Variants in ASAP1 observed in about 807,000 individuals in gnomAD.
ASAP1 encodes arf-GAP with SH3 domain, ANK repeat and PH domain-containing protein 1.
Under a neutral mutation model 145.2 loss-of-function variants are expected in ASAP1, and 43 were observed. The observed-to-expected ratio is 0.30, with a 90% CI of 0.23 to 0.38. The LOEUF (loss-of-function observed/expected upper bound fraction) is 0.38. Ranked by LOEUF, ASAP1 falls within the 10% of genes least tolerant of loss-of-function variation. The pLI, the probability that ASAP1 is intolerant of heterozygous loss-of-function variation, is 1.00. For synonymous variants in ASAP1, 546 were observed against 515.5 expected, an observed-to-expected ratio of 1.06 and a Z score of -0.80; for missense variants, 1,018 against 1,355.3, an observed-to-expected ratio of 0.75 and a Z score of 3.91.
At chr8:130,139,841 T>C (rs1482937205) in intron 13 of ASAP1, among the ~76,000 whole-genome samples, 1 of 151,678 alleles carries the variant, frequency 6.6e-6, no homozygotes, top group African/African-American at 2.4e-5. Context: ...ACTTTATTTT[T>C]TAATTCTCCC....
At chr8:130,397,964 A>C (rs567497177) in intron 2 of ASAP1, among the ~76,000 whole-genome samples, 1 of 152,266 alleles carries the variant, frequency 6.6e-6, no homozygotes, top group Admixed American at 6.5e-5. Flanking sequence ...TTACTGGCAC[A>C]TAAGTAATAA....
intron 16 of ASAP1, 41 bp from the exon 17 acceptor site, chr8:130,126,130 T>C (rs780679083): frequency 1.9e-6 from 3 of 1,577,468 alleles, no homozygotes; most frequent in Non-Finnish European, 1.7e-6. Flanking sequence ...AAAAAAGACA[T>C]CTAATTTTAG....
chr8:130,058,880 G>A (rs549984933), intron 28 of ASAP1, among the ~76,000 whole-genome samples: 77 of 152,290 alleles, frequency 5.1e-4, no homozygotes, highest in African/African-American at 1.7e-3. Flanking sequence ...GGCCGTGCGG[G>A]TGGGTTGGAG....
At chr8:130,361,011 A>G (rs868639932) in intron 2 of ASAP1, 2 of 154,518 alleles carry the variant, frequency 1.3e-5, no homozygotes, top group African/African-American at 4.8e-5. Flanking sequence ...CACGGCACTT[A>G]GGCTTCACTC....
At chr8:130,425,056 C>A (rs545823566) in intron 1 of ASAP1, among the ~76,000 whole-genome samples, 15 of 151,732 alleles carry the variant, frequency 9.9e-5, no homozygotes, top group Non-Finnish European at 1.8e-4. Context: ...TCAGGCCGGG[C>A]GCAATGGCTT....
chr8:130,274,816 C>A (rs1820785988), intron 3 of ASAP1, among the ~76,000 whole-genome samples: 1 of 152,144 alleles, frequency 6.6e-6, no homozygotes, highest in African/African-American at 2.4e-5. Context: ...TTCCTGAATA[C>A]CACCAGTACA....
Position 130,357,871 on chromosome 8 carries a change from G to T in ASAP1, c.186+146C>A, listed in dbSNP as rs934154037. The T allele has an allele frequency of 3.1e-5, 35 of 1,132,228 alleles. No homozygotes were observed. The Admixed American group carries it at 3.5e-4, about 11-fold the overall frequency. The allele number at this position is 1,132,228 out of a possible 1,614,324, so 70.1% of individuals were successfully genotyped here. ...GAGATGGGGAAGGCGCCGCCCGTCCGAAGTCCCTTATTCACCCGGCGGCTC... is the reference window on the plus strand; with the variant it reads ...GAGATGGGGAAGGCGCCGCCCGTCCTAAGTCCCTTATTCACCCGGCGGCTC... On this transcript the variant is annotated intron_variant, in intron 3 of 29. Coordinates refer to ENST00000518721, the MANE Select transcript of ASAP1 (RefSeq NM_018482.4).
At chr8:130,214,946 G>A (rs867695063) in intron 4 of ASAP1, among the ~76,000 whole-genome samples, 1 of 151,796 alleles carries the variant, frequency 6.6e-6, no homozygotes, top group African/African-American at 2.4e-5. Context: ...TGTCTCCCAG[G>A]CTGGAGTGCA....
intron 2 of ASAP1, among the ~76,000 whole-genome samples, chr8:130,370,654 G>A (rs1057494789): frequency 1.3e-5 from 2 of 152,136 alleles, no homozygotes; most frequent in South Asian, 2.1e-4. Flanking sequence ...CAGCTCAAAC[G>A]TTCATGAACA....
At chr8:130,394,393 T>G (rs2138510379) in intron 2 of ASAP1, among the ~76,000 whole-genome samples, 1 of 152,284 alleles carries the variant, frequency 6.6e-6, no homozygotes, top group South Asian at 2.1e-4. Flanking sequence ...CTCCCAGGCT[T>G]ATTAGGACAG....
rs1038118542 is a variant in ASAP1 at position 130,134,319 on chromosome 8, T to C, written c.1194A>G (p.Ala398=). 1.3e-6 allele frequency: 2 copies of C among 1,586,428 alleles called. No individual in the cohort carries two copies. Among genetic ancestry groups the C allele is most frequent in the Non-Finnish European group, 1.7e-6 (2 of 1,166,372 alleles). The change falls in exon 15 of 30, where the codon GCA becomes GCG. Residue 398 remains alanine (A), a synonymous_variant. Transcript: ENST00000518721. ...ISHNRTYHFQ[A]EDEQDYVAWI... ...ACGCTACATAATCCTGCTCATCTTC[T>C]GCCTGAAAGTGATATGTTCTATTAT...
chr8:130,072,824 T>TGTGTGTGTGTGGGTGTGCGCGCGC, intron 27 of ASAP1, among the ~76,000 whole-genome samples: 1 of 32,282 alleles, frequency 3.1e-5, no homozygotes, highest in Non-Finnish European at 5.7e-5. Flanking sequence ...TGTGTGTGTG[T>TGTGTGTGTGTGGGTGTGCGCGCGC]GCGCGCGGGG....
chr8:130,095,899 G>A (rs554889333), intron 24 of ASAP1, among the ~76,000 whole-genome samples: 27 of 152,292 alleles, frequency 1.8e-4, no homozygotes, highest in Admixed American at 2.6e-4. Context: ...GATTACAGGC[G>A]TGAGTCACAG....
intron 3 of ASAP1, among the ~76,000 whole-genome samples, chr8:130,256,262 T>C (rs1294063306): frequency 6.6e-6 from 1 of 152,164 alleles, no homozygotes; most frequent in African/African-American, 2.4e-5. Context: ...ACTTCAGAGA[T>C]GTTTTCCTCA....
At position 130,173,488 on chromosome 8, in the gene ASAP1, TGCACACATG is replaced by T. The variant is rs539258624; in HGVS notation, c.747-4430_747-4422del. Among the ~76,000 whole-genome samples, 4 of 152,262 alleles carry T rather than the reference TGCACACATG, an allele frequency of 2.6e-5. No individual in the cohort carries two copies. In the East Asian group the frequency reaches 7.7e-4, roughly 29 times the overall value. ...AGTTCAGTGGACATGCAAGGGCTAC[TGCACACATG>T]GCTCATGCCTGTAATACCAGCACTT... On this transcript the variant is annotated intron_variant, in intron 9 of 29. Transcript: ENST00000518721.
chr8:130,289,566 G>C (rs1821828491), intron 3 of ASAP1, among the ~76,000 whole-genome samples: 1 of 152,230 alleles, frequency 6.6e-6, no homozygotes, highest in Non-Finnish European at 1.5e-5. Flanking sequence ...GGGAGGCGAA[G>C]ACTGGAAGGC....
chr8:130,358,063 G>C lies in ASAP1; in HGVS notation c.140C>G (p.Thr47Ser). The C allele has an allele frequency of 6.2e-7, 1 of 1,611,086 alleles. No individual in the cohort carries two copies. The highest frequency in any genetic ancestry group is 2.2e-5 in the East Asian group (1 of 44,776). The change falls in exon 3 of 30, where the codon ACC becomes AGC. Residue 47 changes from threonine (T) to serine (S), a missense_variant. By Grantham distance (58) the Thr-to-Ser change is moderately conservative. This residue lies in a region of ASAP1 where 106 missense variants were observed against 134.5 expected (regional missense o/e 0.79). Coordinates refer to ENST00000518721, the MANE Select transcript of ASAP1 (RefSeq NM_018482.4). This position sits in a 1 kb window ranked among gnomAD's most constrained non-coding sequence, Gnocchi z 4.1. ...GTTCCTGCAGTTGTGCAGCCGCGTGGTGAAGCTGGACGTGGTGGGCGAGTT... is the reference window on the plus strand; with the variant it reads ...GTTCCTGCAGTTGTGCAGCCGCGTGCTGAAGCTGGACGTGGTGGGCGAGTT... ...DYNSPTTSSF[T>S]TRLHNCRNTV...
chr8:130,387,264 G>C (rs1412793465), intron 2 of ASAP1, among the ~76,000 whole-genome samples: 1 of 152,134 alleles, frequency 6.6e-6, no homozygotes, highest in Admixed American at 6.5e-5. Flanking sequence ...CGGCGAAAGT[G>C]GTGGCTCACA....
intron 3 of ASAP1, among the ~76,000 whole-genome samples, chr8:130,258,836 T>C (rs181350394): frequency 6.6e-6 from 1 of 152,340 alleles, no homozygotes; most frequent in East Asian, 1.9e-4. Flanking sequence ...GGTGGTTGAC[T>C]GATTTGCTGA....
Sources: allele counts gnomAD v4.1 joint callset (sites outside exome capture counted in the v4.1 genomes callset), GRCh38; gene constraint gnomAD v4.1.1; regional missense constraint gnomAD v4.1.1; non-coding constraint Gnocchi (gnomAD v3.1); transcripts MANE v1.5; gene names NCBI Gene and HGNC (gene_info 2026-07-23, HGNC 2026-07-21).